AK9: variants seen among roughly 807,000 people sequenced by gnomAD.
The protein encoded by AK9 is adenylate kinase 9, also known as adenylate kinase domain containing 1.
AK9 carries 191 observed loss-of-function variants against 239.6 expected under a neutral mutation model. The observed-to-expected ratio is 0.80, with a 90% confidence interval of 0.71 to 0.90. AK9 has a LOEUF of 0.90. Among genes scored for constraint, AK9 ranks in the 40% least tolerant of loss-of-function variants. The pLI, the probability that AK9 is intolerant of heterozygous loss-of-function variation, is 0.00. For missense variants in AK9, 1,995 were observed against 2,214.7 expected (o/e 0.90, Z 1.99); for synonymous variants, 689 against 721.0 (o/e 0.96, Z 0.71).
intron 8 of AK9, among the ~76,000 whole-genome samples, chr6:109,647,874 A>G (rs1261061894): frequency 6.6e-6 from 1 of 152,220 alleles, no homozygotes. Context: ...AAGAACAGAA[A>G]TTATAACAAA....
At chr6:109,609,865 A>T (rs1439535115) in intron 17 of AK9, among the ~76,000 whole-genome samples, 1 of 152,194 alleles carries the variant, frequency 6.6e-6, no homozygotes. Flanking sequence ...AGGCCTTCTG[A>T]TCTGCCATTG....
At chr6:109,613,687 T>A (rs1562494603) in intron 15 of AK9, among the ~76,000 whole-genome samples, 1 of 151,380 alleles carries the variant, frequency 6.6e-6, no homozygotes, top group African/African-American at 2.4e-5. Flanking sequence ...GTCTATATTA[T>A]AGCTATTCTA....
intron 1 of AK9, among the ~76,000 whole-genome samples, chr6:109,684,969 G>A (rs1213636054): frequency 7.1e-6 from 1 of 140,212 alleles, no homozygotes; most frequent in Non-Finnish European, 1.5e-5. Context: ...GCAGCCAACA[G>A]ACATATGGAA....
rs571780605 is a variant in AK9, at chr6:109,495,275, T to C, written c.5418+63A>G. The C allele has an allele frequency of 5.2e-5, 66 of 1,258,246 alleles. No individual in the cohort carries two copies. In the African/African-American group the frequency reaches 8.2e-4, roughly 16 times the overall value. The allele number at this position is 1,258,246 out of a possible 1,614,324, so 77.9% of individuals were successfully genotyped here. On this transcript the variant is annotated intron_variant, in intron 39 of 40. Coordinates refer to ENST00000424296, the MANE Select transcript of AK9 (RefSeq NM_001145128.3). ...TTATTGTTCCCAAAATGAAAATTAGTGTTAAAAAGAAGAAGTCATTGTATT... is the reference window on the plus strand; with the variant it reads ...TTATTGTTCCCAAAATGAAAATTAGCGTTAAAAAGAAGAAGTCATTGTATT...
chr6:109,564,044 G>T (rs544786986), intron 23 of AK9, 36 bp downstream of exon 23: 11 of 1,512,352 alleles, frequency 7.3e-6, no homozygotes, highest in Middle Eastern at 2.2e-4. Flanking sequence ...ACTATCACCT[G>T]CTGTTGATAA....
chr6:109,662,315 A>G (rs1359795742), intron 6 of AK9, among the ~76,000 whole-genome samples: 1 of 152,206 alleles, frequency 6.6e-6, no homozygotes, highest in East Asian at 1.9e-4. Context: ...TGATGTATTA[A>G]CTGACTTTCA....
intron 28 of AK9, among the ~76,000 whole-genome samples, chr6:109,532,019 C>T (rs1360581313): frequency 1.3e-5 from 2 of 152,142 alleles, no homozygotes; most frequent in Admixed American, 1.3e-4. Context: ...AATTTGAAAA[C>T]GATGTCTGAG....
intron 20 of AK9, chr6:109,579,346 A>T (rs924515045): frequency 1.6e-5 from 8 of 492,300 alleles, no homozygotes; most frequent in Admixed American, 7.7e-5. Flanking sequence ...CCATTACTTC[A>T]GTAACAATAT....
intron 5 of AK9, among the ~76,000 whole-genome samples, chr6:109,666,282 T>C (rs964719509): frequency 6.6e-6 from 1 of 152,210 alleles, no homozygotes; most frequent in Admixed American, 6.5e-5. Context: ...GTCCCAATTC[T>C]GGAAGATCCC....
At chr6:109,585,267 C>G (rs999817748) in intron 18 of AK9, 30 bp from the exon 19 acceptor site, 1 of 668,180 alleles carries the variant, frequency 1.5e-6, no homozygotes, top group Non-Finnish European at 2.0e-6. Context: ...ACTAATATTA[C>G]TTTTGTAGCT....
chr6:109,563,543 G>A, intron 24 of AK9, 54 bp downstream of exon 24: 1 of 1,535,756 alleles, frequency 6.5e-7, no homozygotes, highest in South Asian at 1.2e-5. Flanking sequence ...ACTCTTATTT[G>A]CATATTTTCA....
intron 21 of AK9, among the ~76,000 whole-genome samples, chr6:109,566,196 T>C (rs1035761461): frequency 2.0e-5 from 3 of 152,018 alleles, no homozygotes; most frequent in Non-Finnish European, 2.9e-5. Flanking sequence ...CAGGTCTATA[T>C]CTGAGAATGC....
intron 1 of AK9, among the ~76,000 whole-genome samples, chr6:109,680,437 A>T (rs1772443725): frequency 6.6e-6 from 1 of 152,222 alleles, no homozygotes; most frequent in Admixed American, 6.5e-5. Context: ...CAAAGCCTCC[A>T]AGAAATATGG....
In AK9 at chr6:109,550,079, T is replaced by C; in HGVS notation, c.2964+11A>G. 6.2e-7 allele frequency: 1 copy of C among 1,612,634 alleles called. No individual in the cohort carries two copies. Among genetic ancestry groups the C allele is most frequent in the African/African-American group, 1.3e-5 (1 of 74,960 alleles). On this transcript the variant is annotated intron_variant, in intron 25 of 40. Coordinates refer to ENST00000424296, the MANE Select transcript of AK9 (RefSeq NM_001145128.3). ...GTGGGAGCAATCATTAAGATAGGAA[T>C]ACTGTCTCACCTTCAATGGTTCTTC...
At chr6:109,541,680 G>T (rs1411691465) in intron 27 of AK9, among the ~76,000 whole-genome samples, 4 of 152,262 alleles carry the variant, frequency 2.6e-5, no homozygotes, top group Non-Finnish European at 5.9e-5. Context: ...AAAGTTTTGG[G>T]ATTACAGGCA....
chr6:109,633,670 A>G (rs897479694), intron 10 of AK9, among the ~76,000 whole-genome samples: 12 of 152,222 alleles, frequency 7.9e-5, no homozygotes, highest in Non-Finnish European at 1.5e-4. Context: ...TAGAAAACAG[A>G]TTCTGAAAAA....
At chr6:109,515,321 A>G (rs1779168898) in intron 31 of AK9, among the ~76,000 whole-genome samples, 1 of 152,234 alleles carries the variant, frequency 6.6e-6, no homozygotes, top group South Asian at 2.1e-4. Flanking sequence ...AAAAATACCC[A>G]TAAAAGGCAA....
chr6:109,578,963 G>T (rs962341256), intron 20 of AK9, among the ~76,000 whole-genome samples: 3 of 152,124 alleles, frequency 2.0e-5, no homozygotes, highest in South Asian at 2.1e-4. Flanking sequence ...ATCTATCTTG[G>T]AGGATATTCC....
intron 17 of AK9, among the ~76,000 whole-genome samples, chr6:109,595,544 A>T (rs1790904695): frequency 6.6e-6 from 1 of 152,208 alleles, no homozygotes; most frequent in Non-Finnish European, 1.5e-5. Flanking sequence ...ATAAAGACAT[A>T]TGCACATGTA....
Sources: allele counts gnomAD v4.1 joint callset (sites outside exome capture counted in the v4.1 genomes callset), GRCh38; gene constraint gnomAD v4.1.1; transcripts MANE v1.5; gene names NCBI Gene and HGNC (gene_info 2026-07-23, HGNC 2026-07-21).